SLC27A6: variants seen among roughly 807,000 people sequenced by gnomAD.
SLC27A6 encodes the protein long-chain fatty acid transport protein 6.
Under a neutral mutation model 63.9 loss-of-function variants are expected in SLC27A6, and 74 were observed. That is an observed-to-expected ratio of 1.16 (90% confidence interval 0.96 to 1.40). SLC27A6 has a LOEUF of 1.40. Ranked by LOEUF, SLC27A6 falls within the 40% of genes most tolerant of loss-of-function variation. The probability of loss-of-function intolerance (pLI) is 0.00; values close to 1 mark genes in which losing one functional copy is unlikely to be tolerated. For synonymous variants in SLC27A6, 287 were observed against 260.8 expected (o/e 1.10, Z -0.97); for missense variants, 794 against 732.9 (o/e 1.08, Z -0.96).
intron 1 of SLC27A6, among the ~76,000 whole-genome samples, chr5:128,984,757 G>A (rs1390793868): frequency 6.6e-6 from 1 of 152,174 alleles, no homozygotes; most frequent in African/African-American, 2.4e-5. Context: ...GACAGCTTTT[G>A]GAATAACTAG....
At chr5:129,022,910 G>A (rs1752121999) in intron 5 of SLC27A6, among the ~76,000 whole-genome samples, 1 of 152,096 alleles carries the variant, frequency 6.6e-6, no homozygotes, top group African/African-American at 2.4e-5. Flanking sequence ...GGACAAATGA[G>A]CCTGCATGAT....
chr5:129,007,450 A>T (rs1301612231), intron 4 of SLC27A6, among the ~76,000 whole-genome samples: 5 of 145,586 alleles, frequency 3.4e-5, no homozygotes, highest in African/African-American at 1.3e-4. Context: ...CTTAAAAAAA[A>T]AAAAAAAAAA....
rs1752474770 is a variant in SLC27A6 at position 129,033,480 on chromosome 5, T to A, written c.*198T>A. The stretch of plus-strand genomic sequence containing the variant: ...ATAAACAGTAGTTGATTATTCTTTT[T>A]ATCTATTTGGAGATTCAGTGCATAA... On this transcript the variant is annotated 3_prime_UTR_variant, in exon 10 of 10. Transcript: ENST00000262462. The A allele has an allele frequency of 6.8e-6, 2 of 293,780 alleles. No individual in the cohort carries two copies. The highest frequency in any genetic ancestry group is 1.2e-5 in the Non-Finnish European group (2 of 160,228). The allele number at this position is 293,780 out of a possible 1,614,324, so 18.2% of individuals were successfully genotyped here. A position where few individuals can be genotyped will look rare whatever the true frequency, so the allele number is the denominator to read the frequency against.
intron 1 of SLC27A6, among the ~76,000 whole-genome samples, chr5:128,979,360 G>A (rs185181090): frequency 2.0e-5 from 3 of 152,096 alleles, no homozygotes; most frequent in Non-Finnish European, 4.4e-5. Context: ...GAGTGAGGTC[G>A]TTAGCTCTTC....
In SLC27A6 at chr5:129,027,237, A is replaced by T. The variant is rs149591099; in HGVS notation, c.1360A>T (p.Lys454Ter). The T allele has an allele frequency of 1.2e-6, 2 of 1,613,304 alleles. No individual in the cohort carries two copies. The highest frequency in any genetic ancestry group is 1.7e-6 in the Non-Finnish European group (2 of 1,179,490). Residue 454 changes from lysine (K) to a stop codon, truncating the protein, a stop_gained, in exon 7 of 10, where the codon AAG becomes TAG. Coordinates refer to ENST00000262462, the MANE Select transcript of SLC27A6 (RefSeq NM_001017372.3). LOFTEE classifies it high-confidence loss of function. The stretch of plus-strand genomic sequence containing the variant: ...AGACAAATTGCTTTGTGATGTTTTT[A>T]AGAAGGGAGATGTTTACCTTAATAC... ...TKDKLLCDVFKKGDVYLNTGD... is the reference protein window; with the variant it reads ...TKDKLLCDVF
intron 1 of SLC27A6, among the ~76,000 whole-genome samples, chr5:128,968,385 CA>C (rs1561606702): frequency 6.6e-6 from 1 of 152,098 alleles, no homozygotes; most frequent in Non-Finnish European, 1.5e-5. Flanking sequence ...CCAACAGTGT[CA>C]AAGTGTTCCT....
Position 128,965,556 on chromosome 5 carries a change from A to G in SLC27A6, c.-582A>G, listed in dbSNP as rs1749850365. 1 of 152,414 alleles carries G rather than the reference A, an allele frequency of 6.6e-6. No homozygotes were observed. Among genetic ancestry groups the G allele is most frequent in the African/African-American group, 2.4e-5 (1 of 41,574 alleles). 9.4% of individuals were successfully genotyped at this position (152,414 alleles called of 1,614,324 possible). A position where few individuals can be genotyped will look rare whatever the true frequency, so the allele number is the denominator to read the frequency against. ...CCCCTGCGCGGTTTCTGGTGCGTAGAGACTGTAAATCGCTGCGCTTCTCAG... is the reference window on the plus strand; with the variant it reads ...CCCCTGCGCGGTTTCTGGTGCGTAGGGACTGTAAATCGCTGCGCTTCTCAG... On this transcript the variant is annotated 5_prime_UTR_variant, in exon 1 of 10. Coordinates refer to ENST00000262462, the MANE Select transcript of SLC27A6 (RefSeq NM_001017372.3).
At chr5:129,026,355 T>C (rs868315439) in intron 6 of SLC27A6, among the ~76,000 whole-genome samples, 1 of 152,106 alleles carries the variant, frequency 6.6e-6, no homozygotes, top group South Asian at 2.1e-4. Flanking sequence ...CTTAATTAAT[T>C]TGAATAAGTT....
At chr5:129,021,150 C>T (rs1752062636) in intron 5 of SLC27A6, among the ~76,000 whole-genome samples, 1 of 149,106 alleles carries the variant, frequency 6.7e-6, no homozygotes, top group Non-Finnish European at 1.5e-5. Flanking sequence ...GCCTCAGAGA[C>T]CCCATTTCTA....
chr5:129,027,106 C>G, intron 6 of SLC27A6, 27 bp from the exon 7 acceptor site: 1 of 1,587,922 alleles, frequency 6.3e-7, no homozygotes. Flanking sequence ...AATCAGATGG[C>G]TGCAAAAATG....
chr5:128,976,164 A>G (rs1314575288), intron 1 of SLC27A6, among the ~76,000 whole-genome samples: 1 of 152,206 alleles, frequency 6.6e-6, no homozygotes, highest in African/African-American at 2.4e-5. Context: ...AGATAATAAA[A>G]GTTCACATGA....
Position 128,966,597 on chromosome 5 carries a change from A to C in SLC27A6, c.460A>C (p.Arg154=), listed in dbSNP as rs754307838. ...GAATTGCATCCGCGCCTGTGGGCCC[A>C]GAGCCCTAGTGGTGGGCGCAGGTAG... is the stretch of plus-strand genomic sequence containing the variant. The part of the protein sequence containing the change: ...LLNCIRACGP[R]ALVVGADLLG... The change falls in exon 1 of 10, where the codon AGA becomes CGA. Residue 154 remains arginine, a synonymous_variant. Transcript: ENST00000262462. The C allele has an allele frequency of 1.3e-6, 2 of 1,535,730 alleles. No individual in the cohort carries two copies. The highest frequency in any genetic ancestry group is 1.7e-6 in the Non-Finnish European group (2 of 1,149,862).
intron 1 of SLC27A6, among the ~76,000 whole-genome samples, chr5:128,968,906 T>G (rs1281390575): frequency 3.9e-5 from 6 of 152,222 alleles, no homozygotes; most frequent in East Asian, 3.8e-4. Flanking sequence ...GGTCTAACAT[T>G]TAAGTCTTTA....
At chr5:128,974,446 A>C (rs965539359) in intron 1 of SLC27A6, among the ~76,000 whole-genome samples, 3 of 152,208 alleles carry the variant, frequency 2.0e-5, no homozygotes, top group Non-Finnish European at 4.4e-5. Context: ...AAGATGGAAA[A>C]ATTCTATTTT....
intron 6 of SLC27A6, among the ~76,000 whole-genome samples, chr5:129,026,090 A>G (rs1430255381): frequency 2.6e-5 from 4 of 152,184 alleles, no homozygotes; most frequent in African/African-American, 9.6e-5. Context: ...GACCATGATC[A>G]TGCCACTTCA....
Position 129,032,723 on chromosome 5 carries a change from G to C in SLC27A6, c.1684-383G>C, listed in dbSNP as rs184022043. ...GTATTCTGCTTTTTATGATAGATTT[G>C]TGTGTACCTGTAGTAGAAATTGCTG... On this transcript the variant is annotated intron_variant, in intron 9 of 9. Coordinates refer to ENST00000262462, the MANE Select transcript of SLC27A6 (RefSeq NM_001017372.3). 1.7e-4 allele frequency among the ~76,000 whole-genome samples: 26 copies of C among 152,012 alleles called. No individual in the cohort carries two copies. In the East Asian group the frequency reaches 4.7e-3, roughly 27 times the overall value.
At chr5:128,973,168 T>C (rs2150128032) in intron 1 of SLC27A6, among the ~76,000 whole-genome samples, 1 of 152,204 alleles carries the variant, frequency 6.6e-6, no homozygotes, top group South Asian at 2.1e-4. Flanking sequence ...CACCTGCTTG[T>C]ATGCAGTGTC....
chr5:129,009,859 T>G (rs1751671061), intron 4 of SLC27A6, among the ~76,000 whole-genome samples: 1 of 152,096 alleles, frequency 6.6e-6, no homozygotes, highest in Admixed American at 6.6e-5. Flanking sequence ...TATTTTTTAG[T>G]AGAGATGGGG....
chr5:128,993,209 T>C (rs971006954), intron 4 of SLC27A6, among the ~76,000 whole-genome samples: 12 of 152,306 alleles, frequency 7.9e-5, no homozygotes, highest in African/African-American at 2.9e-4. Context: ...TTATTAAAAA[T>C]AGTGGTTTTC....
Sources: allele counts gnomAD v4.1 joint callset (sites outside exome capture counted in the v4.1 genomes callset), GRCh38; gene constraint gnomAD v4.1.1; transcripts MANE v1.5; gene names NCBI Gene and HGNC (gene_info 2026-07-23, HGNC 2026-07-21).